The following MTTP variants were observed in gnomAD, a reference collection of about 807,000 sequenced individuals.
MTTP encodes the protein microsomal triglyceride transfer protein, also known as microsomal triglyceride transfer protein large subunit.
Under a neutral mutation model 90.6 loss-of-function variants are expected in MTTP, and 49 were observed. The observed-to-expected ratio is 0.54, with a 90% CI of 0.43 to 0.69. The LOEUF is 0.69. MTTP is among the 30% of genes least tolerant of loss of function. The probability of loss-of-function intolerance (pLI) is 0.00; values close to 1 mark genes in which losing one functional copy is unlikely to be tolerated. For synonymous variants in MTTP, 347 were observed against 384.2 expected (o/e 0.90, Z 1.13); for missense variants, 945 against 1,067.5 (o/e 0.89, Z 1.60).
chr4:99,602,241 A>T (rs1002339670), intron 10 of MTTP, among the ~76,000 whole-genome samples: 4 of 152,082 alleles, frequency 2.6e-5, no homozygotes, highest in African/African-American at 7.2e-5. Flanking sequence ...TTTATTTTCA[A>T]TTTCATTTGC....
At chr4:99,614,857 G>T (rs185432905) in intron 15 of MTTP, among the ~76,000 whole-genome samples, 1 of 152,304 alleles carries the variant, frequency 6.6e-6, no homozygotes, top group Non-Finnish European at 1.5e-5. Flanking sequence ...TTTTCAATGG[G>T]TGTCTGAACA....
At chr4:99,621,439 C>G (rs901088288) in intron 17 of MTTP, among the ~76,000 whole-genome samples, 1 of 152,054 alleles carries the variant, frequency 6.6e-6, no homozygotes, top group Non-Finnish European at 1.5e-5. Flanking sequence ...ATGACTAGTT[C>G]ATTTGATTCT....
intron 9 of MTTP, among the ~76,000 whole-genome samples, chr4:99,601,170 C>T (rs1419718535): frequency 6.6e-6 from 1 of 152,000 alleles, no homozygotes; most frequent in Non-Finnish European, 1.5e-5. Flanking sequence ...TCTCTTGTGT[C>T]CAAGAATGTT....
chr4:99,610,549 T>G (rs1725924730), intron 12 of MTTP, among the ~76,000 whole-genome samples: 6 of 152,164 alleles, frequency 3.9e-5, no homozygotes. Context: ...TGTTATGTAA[T>G]CAGAAATGAA....
chr4:99,569,573 CAAT>C (rs1292214467), intron 1 of MTTP, among the ~76,000 whole-genome samples: 9 of 151,798 alleles, frequency 5.9e-5, no homozygotes, highest in African/African-American at 1.7e-4. Flanking sequence ...CTGTTATAAA[CAAT>C]AAACCTATTT....
intron 14 of MTTP, among the ~76,000 whole-genome samples, chr4:99,612,519 T>C (rs1725984491): frequency 6.6e-6 from 1 of 152,138 alleles, no homozygotes; most frequent in Admixed American, 6.6e-5. Flanking sequence ...AGACAGCTGA[T>C]GCGTTGTATA....
chr4:99,565,831 A>G (rs183427933), intron 1 of MTTP, among the ~76,000 whole-genome samples: 7 of 152,348 alleles, frequency 4.6e-5, no homozygotes, highest in Admixed American at 4.6e-4. Context: ...TATTGGGAAC[A>G]GTGAAAGCAA....
intron 6 of MTTP, among the ~76,000 whole-genome samples, chr4:99,593,538 A>C (rs1283282700): frequency 6.6e-6 from 1 of 152,200 alleles, no homozygotes; most frequent in Admixed American, 6.5e-5. Flanking sequence ...AACAGGATTA[A>C]GAACTAGAAT....
intron 3 of MTTP, among the ~76,000 whole-genome samples, chr4:99,587,747 C>G (rs1463830929): frequency 6.6e-6 from 1 of 152,102 alleles, no homozygotes; most frequent in African/African-American, 2.4e-5. Flanking sequence ...GTGAACACTT[C>G]TGACTATTTT....
chr4:99,566,056 T>G (rs1003832689), intron 1 of MTTP, among the ~76,000 whole-genome samples: 8 of 151,450 alleles, frequency 5.3e-5, no homozygotes. Context: ...TTGGGAGGCC[T>G]AGGCGGGCGG....
At chr4:99,598,566 G>A (rs930547332) in intron 8 of MTTP, among the ~76,000 whole-genome samples, 1 of 147,064 alleles carries the variant, frequency 6.8e-6, no homozygotes, top group Non-Finnish European at 1.5e-5. Context: ...GTAGTGTAGT[G>A]TAATAGAAAG....
intron 7 of MTTP, 97 bp from the exon 8 acceptor site, chr4:99,596,970 G>T: frequency 6.4e-7 from 1 of 1,551,116 alleles, no homozygotes. Context: ...TTTCGCTTCA[G>T]ACACAAGGGA....
intron 1 of MTTP, among the ~76,000 whole-genome samples, chr4:99,580,958 A>G (rs1210591966): frequency 3.3e-5 from 5 of 152,156 alleles, no homozygotes; most frequent in Non-Finnish European, 7.3e-5. Context: ...CCCCATATGT[A>G]TATTTCCTGA....
At position 99,608,992 on chromosome 4, in the gene MTTP, A is replaced by G. The variant is rs1725888628; in HGVS notation, c.1769+15A>G. Reference sequence around the variant, plus strand: ...ATGCCTGCAAGGTATAATACATTGCACATGTCTCTCTGTGTATTCAAGCTT... The same window carrying G: ...ATGCCTGCAAGGTATAATACATTGCGCATGTCTCTCTGTGTATTCAAGCTT... On this transcript the variant is annotated intron_variant, in intron 12 of 17. Coordinates refer to ENST00000265517, the MANE Select transcript of MTTP (RefSeq NM_001386140.1). 6.2e-7 allele frequency: 1 copy of G among 1,601,644 alleles called. No homozygotes were observed. The highest frequency in any genetic ancestry group is 1.3e-5 in the African/African-American group (1 of 74,594).
chr4:99,582,142 T>C (rs1386662440), intron 2 of MTTP, 50 bp downstream of exon 2: 2 of 1,591,964 alleles, frequency 1.3e-6, no homozygotes, highest in East Asian at 2.2e-5. Flanking sequence ...CAGAAGTTTT[T>C]GAGAAGTGTA....
upstream of MTTP, chr4:99,570,970 A>G (rs894338802): frequency 2.8e-5 from 9 of 317,158 alleles, no homozygotes; most frequent in South Asian, 1.1e-4. Flanking sequence ...CTCCAAGAGT[A>G]TAAGACAATA....
chr4:99,608,981 T>C lies in MTTP; in HGVS notation c.1769+4T>C. On this transcript the variant is annotated splice_donor_region_variant and intron_variant, in intron 12 of 17. Coordinates refer to ENST00000265517, the MANE Select transcript of MTTP (RefSeq NM_001386140.1). The stretch of plus-strand genomic sequence containing the variant: ...TACGTTTTGAAATGCCTGCAAGGTA[T>C]AATACATTGCACATGTCTCTCTGTG... The C allele has an allele frequency of 1.2e-6, 2 of 1,611,000 alleles. No homozygotes were observed. Among genetic ancestry groups the C allele is most frequent in the Non-Finnish European group, 1.7e-6 (2 of 1,177,202 alleles).
intron 1 of MTTP, 95 bp downstream of exon 1, chr4:99,575,065 G>A: frequency 2.2e-6 from 3 of 1,362,288 alleles, no homozygotes; most frequent in Non-Finnish European, 2.1e-6. Context: ...AGTGAATAGT[G>A]AAAGAGTTTC....
chr4:99,583,499 T>A lies in MTTP; in HGVS notation c.375T>A (p.Leu125=). 1 of 1,613,634 alleles carries A rather than the reference T, an allele frequency of 6.2e-7. No individual in the cohort carries two copies. The highest frequency in any genetic ancestry group is 8.5e-7 in the Non-Finnish European group (1 of 1,179,826). The change falls in exon 3 of 18, where the codon CTT becomes CTA. Residue 125 remains leucine (L), a synonymous_variant. Transcript: ENST00000265517. ...AAGCTCTGCAAAGACCTACGCTCCTTCATCTAATCCATGGAAAGGTAAAGG... is the reference window on the plus strand; with the variant it reads ...AAGCTCTGCAAAGACCTACGCTCCTACATCTAATCCATGGAAAGGTAAAGG... The part of the protein sequence containing the change: ...NLEALQRPTL[L]HLIHGKVKEF...
Sources: allele counts gnomAD v4.1 joint callset (sites outside exome capture counted in the v4.1 genomes callset), GRCh38; gene constraint gnomAD v4.1.1; transcripts MANE v1.5; gene names NCBI Gene and HGNC (gene_info 2026-07-23, HGNC 2026-07-21).